The following PRDM5 variants were observed in gnomAD, a reference collection of about 807,000 sequenced individuals.
The protein encoded by PRDM5 is PR/SET domain 5.
Under a neutral mutation model 81.2 loss-of-function variants are expected in PRDM5, and 56 were observed. The observed-to-expected ratio is 0.69, with a 90% CI of 0.56 to 0.86. PRDM5 has a LOEUF of 0.86. PRDM5 is among the 40% of genes least tolerant of loss of function. The pLI is 0.00. For synonymous variants in PRDM5, 267 were observed against 256.4 expected, an observed-to-expected ratio of 1.04 and a Z score of -0.39; for missense variants, 697 against 770.1, an observed-to-expected ratio of 0.91 and a Z score of 1.12.
chr4:120,730,477 T>C (rs1740089587), intron 14 of PRDM5, among the ~76,000 whole-genome samples: 1 of 152,204 alleles, frequency 6.6e-6, no homozygotes, highest in Non-Finnish European at 1.5e-5. Context: ...GGGATCTTCA[T>C]ACAGATAAGT....
At chr4:120,785,766 A>G (rs1749690860) in intron 10 of PRDM5, among the ~76,000 whole-genome samples, 1 of 152,298 alleles carries the variant, frequency 6.6e-6, no homozygotes, top group Admixed American at 6.5e-5. Flanking sequence ...TAAGGCTCAA[A>G]AAGTTGCGGT....
intron 8 of PRDM5, among the ~76,000 whole-genome samples, chr4:120,805,147 G>C (rs1406110676): frequency 1.3e-5 from 2 of 151,984 alleles, no homozygotes; most frequent in Admixed American, 6.6e-5. Flanking sequence ...CAAGACTAAA[G>C]CAGGAAAAAG....
At chr4:120,720,273 G>A (rs1267943693) in intron 14 of PRDM5, among the ~76,000 whole-genome samples, 1 of 152,182 alleles carries the variant, frequency 6.6e-6, no homozygotes, top group African/African-American at 2.4e-5. Flanking sequence ...CCACTGATCA[G>A]AGGTCAGACT....
intron 2 of PRDM5, among the ~76,000 whole-genome samples, chr4:120,875,736 C>T (rs988726144): frequency 1.3e-5 from 2 of 152,112 alleles, no homozygotes; most frequent in African/African-American, 4.8e-5. Context: ...GAGTAGTAGA[C>T]AGGGGGCAAA....
At chr4:120,825,463 C>T (rs1755838786) in intron 3 of PRDM5, among the ~76,000 whole-genome samples, 1 of 152,106 alleles carries the variant, frequency 6.6e-6, no homozygotes, top group African/African-American at 2.4e-5. Context: ...AGCTCATTAC[C>T]TTGGACTCAT....
In PRDM5 at chr4:120,867,961, C is replaced by T. The variant is rs112427938; in HGVS notation, c.178-14421G>A. Among the ~76,000 whole-genome samples the T allele has an allele frequency of 4.4e-3, 676 of 152,304 alleles. 2 individuals carry two copies. Among genetic ancestry groups the T allele is most frequent in the Non-Finnish European group, 7.2e-3 (492 of 68,032 alleles). The stretch of plus-strand genomic sequence containing the variant: ...TGAGTGAAATGGGAACAACATTGGG[C>T]GCTGCCAATGAACTCCTTCAAGACA... On this transcript the variant is annotated intron_variant, in intron 2 of 15. Coordinates refer to ENST00000264808, the MANE Select transcript of PRDM5 (RefSeq NM_018699.4).
intron 3 of PRDM5, chr4:120,837,494 C>A (rs137917954): frequency 9.2e-5 from 14 of 152,286 alleles, no homozygotes; most frequent in African/African-American, 2.6e-4. Context: ...CTTTTACATA[C>A]AACTTACACT....
At chr4:120,862,593 T>C (rs1053884499) in intron 2 of PRDM5, among the ~76,000 whole-genome samples, 6 of 152,218 alleles carry the variant, frequency 3.9e-5, no homozygotes, top group South Asian at 4.1e-4. Flanking sequence ...CCTGTAAGTT[T>C]GGCCTTTGGT....
chr4:120,688,141 T>C (rs963275557), downstream of PRDM5, among the ~76,000 whole-genome samples: 3 of 152,094 alleles, frequency 2.0e-5, no homozygotes, highest in African/African-American at 7.2e-5. Context: ...CATCAATGGT[T>C]GTTATATTTT....
rs755572398 is a variant in PRDM5 at position 120,695,325 on chromosome 4, T to C, written c.1729-50A>G. The C allele has an allele frequency of 6.3e-6, 10 of 1,596,146 alleles. No individual in the cohort carries two copies. In the East Asian group the frequency reaches 2.3e-4, roughly 36 times the overall value. ...ATATTATACTGAAATAAACAAAATT[T>C]ATAAACAAAATTTAACACTCACACT... On this transcript the variant is annotated intron_variant, in intron 15 of 15. Transcript: ENST00000264808.
chr4:120,921,815 A>G (rs79583078), intron 1 of PRDM5, among the ~76,000 whole-genome samples: 9,286 of 152,020 alleles, frequency 0.061, 370 homozygotes, highest in East Asian at 0.15. Context: ...CTCTCATCAC[A>G]TGCCTGTAAC....
intron 4 of PRDM5, among the ~76,000 whole-genome samples, chr4:120,820,044 A>G (rs1222878920): frequency 6.6e-6 from 1 of 152,240 alleles, no homozygotes; most frequent in Non-Finnish European, 1.5e-5. Context: ...ATGGAAAAGT[A>G]CTGTATAGTA....
At chr4:120,820,162 T>C (rs1040813186) in intron 4 of PRDM5, among the ~76,000 whole-genome samples, 4 of 152,190 alleles carry the variant, frequency 2.6e-5, no homozygotes, top group Non-Finnish European at 4.4e-5. Context: ...AGGAGATGAT[T>C]AGGTTATGAG....
At chr4:120,711,629 TC>T (rs1702986435) in intron 14 of PRDM5, among the ~76,000 whole-genome samples, 1 of 152,076 alleles carries the variant, frequency 6.6e-6, no homozygotes, top group African/African-American at 2.4e-5. Context: ...TATTACCTCA[TC>T]TTTTTCCAGT....
At chr4:120,905,167 T>G (rs1765657096) in intron 2 of PRDM5, among the ~76,000 whole-genome samples, 1 of 152,172 alleles carries the variant, frequency 6.6e-6, no homozygotes, top group South Asian at 2.1e-4. Context: ...TAAATTATAG[T>G]GAGGACTATA....
chr4:120,805,979 G>C (rs59085467), intron 8 of PRDM5, among the ~76,000 whole-genome samples: 43,727 of 152,066 alleles, frequency 0.29, 6,501 homozygotes, highest in East Asian at 0.37. Context: ...ATCTCCTTAA[G>C]CTAATAAGCA....
chr4:120,906,774 G>A (rs944427039), intron 2 of PRDM5, among the ~76,000 whole-genome samples: 11 of 152,018 alleles, frequency 7.2e-5, no homozygotes, highest in African/African-American at 2.7e-4. Flanking sequence ...TTTAAGGCGG[G>A]ATTTTTGTTA....
At chr4:120,786,718 A>G (rs1332933738) in intron 10 of PRDM5, among the ~76,000 whole-genome samples, 1 of 152,218 alleles carries the variant, frequency 6.6e-6, no homozygotes, top group African/African-American at 2.4e-5. Context: ...AGACATTGAA[A>G]TGACAGAAAT....
At chr4:120,774,547 G>C (rs1747766267) in intron 13 of PRDM5, among the ~76,000 whole-genome samples, 1 of 152,150 alleles carries the variant, frequency 6.6e-6, no homozygotes, top group African/African-American at 2.4e-5. Context: ...ATCATTTGAG[G>C]GACAGGACAA....
Sources: gnomAD v4.1 joint callset for allele counts (sites outside exome capture counted in the v4.1 genomes callset) on GRCh38, gnomAD v4.1.1 for gene constraint, MANE v1.5 for transcripts, NCBI Gene and HGNC (gene_info 2026-07-23, HGNC 2026-07-21) for gene names.